The following EDAR variants were observed in gnomAD, a reference collection of about 807,000 sequenced individuals.
EDAR encodes tumor necrosis factor receptor superfamily member EDAR.
Under a neutral mutation model 51.3 loss-of-function variants are expected in EDAR, and 38 were observed. The ratio of observed to expected loss-of-function variants is 0.74; its 90% CI spans 0.57 to 0.97. The LOEUF (loss-of-function observed/expected upper bound fraction) is 0.97, where lower values mean the gene tolerates loss of function less well. EDAR is among the 50% of genes least tolerant of loss of function. The pLI is 0.00. For synonymous variants in EDAR, 227 were observed against 242.1 expected (o/e 0.94, Z 0.58); for missense variants, 528 against 595.0 (o/e 0.89, Z 1.17).
Position 108,910,757 on chromosome 2 carries a change from G to A in EDAR, c.730+19C>T. 6.2e-7 allele frequency: 1 copy of A among 1,612,240 alleles called. No individual in the cohort carries two copies. The highest frequency in any genetic ancestry group is 8.5e-7 in the Non-Finnish European group (1 of 1,179,804). On this transcript the variant is annotated intron_variant, in intron 8 of 11. Transcript: ENST00000258443. Reference sequence around the variant, plus strand: ...ATGGGCACCGTGCACATGGTGTGTGGAAGCCCTGGTTCACAGACCTGGGGC... The same window carrying A: ...ATGGGCACCGTGCACATGGTGTGTGAAAGCCCTGGTTCACAGACCTGGGGC...
chr2:108,988,192 A>G (rs963076826), intron 1 of EDAR, among the ~76,000 whole-genome samples: 19 of 152,140 alleles, frequency 1.2e-4, no homozygotes, highest in African/African-American at 4.6e-4. Context: ...CCAGCACAAC[A>G]TGGGCAGGGA....
intron 1 of EDAR, among the ~76,000 whole-genome samples, chr2:108,987,717 C>T (rs925096819): frequency 3.9e-5 from 6 of 152,194 alleles, no homozygotes; most frequent in Non-Finnish European, 7.3e-5. Context: ...TGGAGACCCC[C>T]GGCCAATCGC....
chr2:108,898,874 A>T, intron 11 of EDAR, among the ~76,000 whole-genome samples: 1 of 152,252 alleles, frequency 6.6e-6, no homozygotes, highest in East Asian at 1.9e-4. Flanking sequence ...CTAGAAGTGG[A>T]AATTACTCAA....
At chr2:108,948,066 T>C (rs1304537205) in intron 1 of EDAR, among the ~76,000 whole-genome samples, 2 of 152,266 alleles carry the variant, frequency 1.3e-5, no homozygotes, top group African/African-American at 4.8e-5. Context: ...TTGAATGCTT[T>C]GCTATAGAAA....
In EDAR at chr2:108,906,494, C is replaced by T. The variant is rs187407295; in HGVS notation, c.964-126G>A. On this transcript the variant is annotated intron_variant, in intron 10 of 11. Coordinates refer to ENST00000258443, the MANE Select transcript of EDAR (RefSeq NM_022336.4). ...CACCAGAGACGCTGCACACAGCCCC[C>T]GTGTCAGCAGCCCAGCCCTGACACA... 1,439 of 968,038 alleles carry T rather than the reference C, an allele frequency of 1.5e-3. 15 individuals are homozygous for T. In the African/African-American group the frequency reaches 0.02, roughly 14 times the overall value. 60.0% of individuals were successfully genotyped at this position (968,038 alleles called of 1,614,324 possible).
chr2:108,971,382 C>A (rs1436328627), intron 1 of EDAR, among the ~76,000 whole-genome samples: 2 of 152,062 alleles, frequency 1.3e-5, no homozygotes, highest in Non-Finnish European at 2.9e-5. Flanking sequence ...TCAAAATCTT[C>A]ATTGTAACAA....
At chr2:108,938,911 C>T (rs1697529886) in intron 1 of EDAR, among the ~76,000 whole-genome samples, 2 of 150,384 alleles carry the variant, frequency 1.3e-5, no homozygotes, top group African/African-American at 4.9e-5. Flanking sequence ...TCTCGAGTAG[C>T]TGCGACTACA....
intron 6 of EDAR, 145 bp downstream of exon 6, chr2:108,912,533 C>A (rs1216909107): frequency 1.3e-6 from 1 of 771,694 alleles, no homozygotes; most frequent in Non-Finnish European, 2.2e-6. Flanking sequence ...CGGGGGGCAA[C>A]ATGTCATTCA....
At chr2:108,942,228 G>A (rs1697614423) in intron 1 of EDAR, among the ~76,000 whole-genome samples, 1 of 152,252 alleles carries the variant, frequency 6.6e-6, no homozygotes, top group Non-Finnish European at 1.5e-5. Context: ...AACACATGGA[G>A]TCAATGGCGG....
rs1249488164 is a variant in EDAR at position 108,910,810 on chromosome 2, T to C, written c.696A>G (p.Gln232=). The C allele has an allele frequency of 1.2e-6, 2 of 1,613,766 alleles. No homozygotes were observed. Among genetic ancestry groups the C allele is most frequent in the Middle Eastern group, 1.7e-4 (1 of 5,938 alleles). The change falls in exon 8 of 12, where the codon CAA becomes CAG. Residue 232 remains glutamine (Q), a synonymous_variant. Transcript: ENST00000258443. The part of the protein sequence containing the change: ...TSHPGKSVEA[Q]VSKDEEKKEA... The stretch of plus-strand genomic sequence containing the variant: ...CTTTCTTCTCCTCGTCCTTGCTCAC[T>C]TGGGCCTCCACGCTCTTCCCCGGGT...
At chr2:108,981,410 C>T (rs1375376632) in intron 1 of EDAR, among the ~76,000 whole-genome samples, 6 of 152,180 alleles carry the variant, frequency 3.9e-5, no homozygotes, top group African/African-American at 1.2e-4. Flanking sequence ...CGTCTTAGGT[C>T]TGGTATGACT....
chr2:108,909,311 C>T (rs1181212872), intron 9 of EDAR, among the ~76,000 whole-genome samples: 1 of 152,184 alleles, frequency 6.6e-6, no homozygotes, highest in East Asian at 1.9e-4. Flanking sequence ...AATTCAGTCT[C>T]TAGGGAGGCC....
chr2:108,962,400 G>A (rs565598824), intron 1 of EDAR, among the ~76,000 whole-genome samples: 1 of 152,244 alleles, frequency 6.6e-6, no homozygotes, highest in Non-Finnish European at 1.5e-5. Flanking sequence ...TCGGCCAGAC[G>A]CGGTGGCTCA....
At chr2:108,921,626 C>T (rs966846221) in intron 5 of EDAR, among the ~76,000 whole-genome samples, 10 of 152,324 alleles carry the variant, frequency 6.6e-5, no homozygotes, top group Admixed American at 3.9e-4. Flanking sequence ...CTCCATGGGG[C>T]TTTCTAGCTC....
At chr2:108,985,627 G>A (rs1356451657) in intron 1 of EDAR, among the ~76,000 whole-genome samples, 1 of 152,216 alleles carries the variant, frequency 6.6e-6, no homozygotes, top group Non-Finnish European at 1.5e-5. Context: ...AGGACCTCCA[G>A]CTTCACCCAC....
chr2:108,905,866 G>A (rs919531403), intron 11 of EDAR, among the ~76,000 whole-genome samples: 1 of 146,620 alleles, frequency 6.8e-6, no homozygotes, highest in Non-Finnish European at 1.5e-5. Context: ...GGGAGGGGAG[G>A]CTGGAGGCTC....
chr2:108,950,138 T>C (rs1238063986), intron 1 of EDAR, among the ~76,000 whole-genome samples: 1 of 152,204 alleles, frequency 6.6e-6, no homozygotes, highest in Non-Finnish European at 1.5e-5. Context: ...TGTTCAGCCC[T>C]ACAAGGCAGA....
chr2:108,908,419 T>G (rs1696854116), intron 9 of EDAR, among the ~76,000 whole-genome samples: 1 of 152,224 alleles, frequency 6.6e-6, no homozygotes, highest in South Asian at 2.1e-4. Context: ...TGTCTTCATG[T>G]TAAGCAAACA....
At chr2:108,910,662 A>T in intron 8 of EDAR, 114 bp downstream of exon 8, 1 of 1,431,898 alleles carries the variant, frequency 7.0e-7, no homozygotes, top group Non-Finnish European at 9.8e-7. Flanking sequence ...CACGGTAAGC[A>T]CAGTATGGTT....
Sources: allele counts gnomAD v4.1 joint callset (sites outside exome capture counted in the v4.1 genomes callset), GRCh38; gene constraint gnomAD v4.1.1; transcripts MANE v1.5; gene names NCBI Gene and HGNC (gene_info 2026-07-23, HGNC 2026-07-21).